CGREF1: variants seen among roughly 807,000 people sequenced by gnomAD.
The protein encoded by CGREF1 is cell growth regulator with EF hand domain protein 1.
CGREF1 carries 16 observed loss-of-function variants against 17.4 expected under a neutral mutation model. That is an observed-to-expected ratio of 0.92 (90% CI 0.62 to 1.40). The LOEUF is 1.40. Among genes scored for constraint, CGREF1 ranks in the 40% most tolerant of loss-of-function variants. The pLI is 0.00. For missense variants in CGREF1, 296 were observed against 376.4 expected, an observed-to-expected ratio of 0.79 and a Z score of 1.77; for synonymous variants, 142 against 154.6, an observed-to-expected ratio of 0.92 and a Z score of 0.61.
chr2:27,117,170 C>A (rs1339237542), intron 1 of CGREF1, among the ~76,000 whole-genome samples: 7 of 152,086 alleles, frequency 4.6e-5, no homozygotes, highest in African/African-American at 1.7e-4. Flanking sequence ...CTTGGCCTCC[C>A]AAAGTGCTGG....
At chr2:27,108,610 GA>G (rs1053782218) in intron 1 of CGREF1, among the ~76,000 whole-genome samples, 12 of 148,400 alleles carry the variant, frequency 8.1e-5, no homozygotes, top group South Asian at 2.1e-4. Context: ...GAACACTCAA[GA>G]AAAAAAAAAT....
Position 27,101,805 on chromosome 2 carries a change from G to A in CGREF1, c.426C>T (p.Phe142=), listed in dbSNP as rs757462728. Residue 142 remains phenylalanine, a synonymous_variant, in exon 6 of 6, where the codon TTC becomes TTT. Transcript: ENST00000402394. ...GLMTPAELIN[F]PGVALRHVEP... is the part of the protein sequence containing the mutation. ...CCACGTGCCTGAGGGCTACTCCCGGGAAGTTGATGAGCTCAGCAGGGGTCA... is the reference window on the plus strand; with the variant it reads ...CCACGTGCCTGAGGGCTACTCCCGGAAAGTTGATGAGCTCAGCAGGGGTCA... 1.9e-6 allele frequency: 3 copies of A among 1,614,074 alleles called. No individual in the cohort carries two copies. The highest frequency in any genetic ancestry group is 2.7e-5 in the African/African-American group (2 of 74,920).
chr2:27,104,283 T>A lies in CGREF1; in HGVS notation c.80+4A>T, dbSNP rs370614374. On this transcript the variant is annotated splice_donor_region_variant and intron_variant, in intron 2 of 5. Transcript: ENST00000402394. ...CCTTGGCCCTGCCCTCATAACCCTG[T>A]TACCTTGTGACTCCATCCTTTGGGG... The A allele has an allele frequency of 1.7e-5, 26 of 1,553,096 alleles. No individual in the cohort carries two copies. Among genetic ancestry groups the A allele is most frequent in the Non-Finnish European group, 2.0e-5 (23 of 1,149,980 alleles).
Position 27,101,138 on chromosome 2 carries a change from A to C in CGREF1, c.*136T>G. ...TTAACTTAGGGTCTCCCTGAGCTGCACAGAAAGACCTGATACCTACTGGGA... is the reference window on the plus strand; with the variant it reads ...TTAACTTAGGGTCTCCCTGAGCTGCCCAGAAAGACCTGATACCTACTGGGA... On this transcript the variant is annotated 3_prime_UTR_variant, in exon 6 of 6. Coordinates refer to ENST00000402394, the MANE Select transcript of CGREF1 (RefSeq NM_006569.6). The C allele has an allele frequency of 6.9e-7, 1 of 1,453,740 alleles. No homozygotes were observed. Among genetic ancestry groups the C allele is most frequent in the South Asian group, 1.6e-5 (1 of 64,008 alleles). 90.1% of individuals were successfully genotyped at this position (1,453,740 alleles called of 1,614,324 possible).
chr2:27,118,720 G>A (rs1414718417), intron 1 of CGREF1, 126 bp downstream of exon 1: 1 of 152,394 alleles, frequency 6.6e-6, no homozygotes. Context: ...GAGCCGCAGG[G>A]GATGCAGAGG....
intron 1 of CGREF1, among the ~76,000 whole-genome samples, chr2:27,114,647 C>T (rs1671509164): frequency 6.6e-6 from 1 of 152,140 alleles, no homozygotes; most frequent in African/African-American, 2.4e-5. Context: ...GAACCTTGAG[C>T]CACCATGGAA....
chr2:27,115,123 G>T (rs1201626766), intron 1 of CGREF1, among the ~76,000 whole-genome samples: 1 of 152,196 alleles, frequency 6.6e-6, no homozygotes, highest in Non-Finnish European at 1.5e-5. Context: ...CTGGCTTCAT[G>T]GGTGTGCGTC....
At chr2:27,117,353 C>G (rs1205530551) in intron 1 of CGREF1, among the ~76,000 whole-genome samples, 1 of 152,198 alleles carries the variant, frequency 6.6e-6, no homozygotes, top group Admixed American at 6.5e-5. Context: ...TAAACATTAA[C>G]AAAAGCTTTT....
downstream of CGREF1, chr2:27,099,654 C>T (rs1262658567): frequency 1.2e-6 from 2 of 1,614,034 alleles, no homozygotes; most frequent in African/African-American, 2.7e-5. Context: ...AGCTACTTGC[C>T]CCTCCTCCAG....
At chr2:27,100,069 C>A, downstream of CGREF1, 1 of 613,948 alleles carries the variant, frequency 1.6e-6, no homozygotes, top group Non-Finnish European at 2.9e-6. Context: ...TTAACCTCTC[C>A]GCCCAGGCCC....
chr2:27,111,945 A>C (rs549326710), intron 1 of CGREF1, among the ~76,000 whole-genome samples: 8 of 152,298 alleles, frequency 5.3e-5, no homozygotes, highest in African/African-American at 1.4e-4. Context: ...AGGGCTCCTC[A>C]AGCGCGGCCA....
downstream of CGREF1, chr2:27,100,271 G>C (rs908188459): frequency 2.4e-5 from 10 of 422,890 alleles, no homozygotes; most frequent in South Asian, 3.9e-5. Context: ...ACACCGCTGA[G>C]CTGAACTGAC....
chr2:27,116,407 A>C (rs2148400422), intron 1 of CGREF1, among the ~76,000 whole-genome samples: 1 of 151,784 alleles, frequency 6.6e-6, no homozygotes, highest in African/African-American at 2.4e-5. Flanking sequence ...CGTGCCTGTA[A>C]TCCCAGCTAC....
intron 1 of CGREF1, among the ~76,000 whole-genome samples, chr2:27,116,871 T>TTCTC (rs537582075): frequency 0.015 from 498 of 33,642 alleles, 15 homozygotes; most frequent in East Asian, 0.031. Context: ...GCCAGGCCTA[T>TTCTC]TCTCTCTCTC....
At chr2:27,099,513 C>T (rs752495277), downstream of CGREF1, 24 of 1,614,054 alleles carry the variant, frequency 1.5e-5, 1 homozygote, top group South Asian at 7.7e-5. Context: ...CGCCACCCCG[C>T]GTGGTGGATA....
At chr2:27,112,605 G>T (rs917153169) in intron 1 of CGREF1, among the ~76,000 whole-genome samples, 1 of 152,080 alleles carries the variant, frequency 6.6e-6, no homozygotes, top group Non-Finnish European at 1.5e-5. Context: ...TTACATAAAA[G>T]AATATAAATG....
At chr2:27,113,349 T>A (rs1671459970) in intron 1 of CGREF1, among the ~76,000 whole-genome samples, 1 of 152,128 alleles carries the variant, frequency 6.6e-6, no homozygotes. Context: ...CAAGCATCCG[T>A]AGGGAAGGCA....
chr2:27,100,993 C>A lies in CGREF1; in HGVS notation c.*281G>T. On this transcript the variant is annotated 3_prime_UTR_variant, in exon 6 of 6. Coordinates refer to ENST00000402394, the MANE Select transcript of CGREF1 (RefSeq NM_006569.6). ...GTGAGGCCCAGAAACACTGGGCAGG[C>A]GGCATCCCTGTCCTTTCGGTCCCCA... 8.1e-7 allele frequency: 1 copy of A among 1,234,062 alleles called. No homozygotes were observed. Among genetic ancestry groups the A allele is most frequent in the Non-Finnish European group, 1.0e-6 (1 of 987,284 alleles). 76.4% of individuals were successfully genotyped at this position (1,234,062 alleles called of 1,614,324 possible).
chr2:27,102,612 C>T (rs1670944051), intron 2 of CGREF1, 21 bp from the exon 3 acceptor site: 1 of 1,605,560 alleles, frequency 6.2e-7, no homozygotes, highest in Non-Finnish European at 8.5e-7. Context: ...AAGGGGAGGA[C>T]CAGCCTTGCA....
Sources: gnomAD v4.1 joint callset for allele counts (sites outside exome capture counted in the v4.1 genomes callset) on GRCh38, gnomAD v4.1.1 for gene constraint, MANE v1.5 for transcripts, NCBI Gene and HGNC (gene_info 2026-07-23, HGNC 2026-07-21) for gene names.